Variants in LGALS12 observed in about 807,000 individuals in gnomAD.
The protein encoded by LGALS12 is galectin-12.
A neutral mutation model predicts 36.8 loss-of-function variants in LGALS12; 36 were observed. The ratio of observed to expected loss-of-function variants is 0.98; its 90% CI spans 0.75 to 1.29. The LOEUF (loss-of-function observed/expected upper bound fraction) is 1.29, where lower values mean the gene tolerates loss of function less well. LGALS12 is among the 50% of genes most tolerant of loss of function. The pLI is 0.00. For synonymous variants in LGALS12, 145 were observed against 155.9 expected (o/e 0.93, Z 0.52); for missense variants, 366 against 394.3 (o/e 0.93, Z 0.61).
chr11:63,510,610 T>G, intron 5 of LGALS12, 109 bp downstream of exon 5: 1 of 1,043,358 alleles, frequency 9.6e-7, no homozygotes, highest in South Asian at 1.4e-5. Context: ...ACTGCTGCGG[T>G]TGCCACGGAC....
Position 63,506,353 on chromosome 11 carries a change from G to T in LGALS12, c.-106G>T. 1 of 1,613,008 alleles carries T rather than the reference G, an allele frequency of 6.2e-7. No homozygotes were observed. Among genetic ancestry groups the T allele is most frequent in the Non-Finnish European group, 8.5e-7 (1 of 1,179,406 alleles). ...AGGTCGCAGGTGAGACTAACAGCTG[G>T]GAGAGCTGCTCCAGGCATTTAGGAC... On this transcript the variant is annotated 5_prime_UTR_variant, in exon 1 of 9. Transcript: ENST00000394618.
chr11:63,510,574 C>T (rs1038288584), intron 5 of LGALS12, 73 bp downstream of exon 5: 6 of 1,436,754 alleles, frequency 4.2e-6, no homozygotes, highest in African/African-American at 2.8e-5. Flanking sequence ...GCTCCCATTA[C>T]ACAAGGCCCA....
chr11:63,515,501 G>T, intron 7 of LGALS12, 62 bp from the exon 8 acceptor site: 1 of 1,586,158 alleles, frequency 6.3e-7, no homozygotes. Flanking sequence ...TCCCCTGGGG[G>T]CTGAGCAGCG....
rs2016888345 is a variant in LGALS12 at position 63,510,578 on chromosome 11, A to G, written c.531+77A>G. ...TCTGGACTGCTGCTCCCATTACACAAGGCCCAGCTGCCCCTTCCCTCACTG... is the reference window on the plus strand; with the variant it reads ...TCTGGACTGCTGCTCCCATTACACAGGGCCCAGCTGCCCCTTCCCTCACTG... On this transcript the variant is annotated intron_variant, in intron 5 of 8. Coordinates refer to ENST00000394618, the MANE Select transcript of LGALS12 (RefSeq NM_033101.4). 2.4e-5 allele frequency: 33 copies of G among 1,399,238 alleles called. No individual in the cohort carries two copies. The South Asian group carries it at 3.8e-4, about 16-fold the overall frequency. The allele number at this position is 1,399,238 out of a possible 1,614,324, so 86.7% of individuals were successfully genotyped here.
intron 7 of LGALS12, among the ~76,000 whole-genome samples, chr11:63,514,472 G>A (rs1285328043): frequency 6.6e-6 from 1 of 152,208 alleles, no homozygotes; most frequent in African/African-American, 2.4e-5. Flanking sequence ...TCCGGAGGCT[G>A]AGGCAGGAGA....
intron 6 of LGALS12, 27 bp from the exon 7 acceptor site, chr11:63,511,725 T>C (rs1341069705): frequency 6.3e-7 from 1 of 1,574,954 alleles, no homozygotes; most frequent in Non-Finnish European, 8.7e-7. Flanking sequence ...GGAAGTCAAC[T>C]TCTCAATACC....
In LGALS12 at chr11:63,508,287, G is replaced by GA. The variant is rs2016802272; in HGVS notation, c.70-263dup. ...AGCCTGTTGTGTCCTAGGAGCTGGG[G>GA]AAAGGCAACTGGCTGGTGCTGAATT... On this transcript the variant is annotated intron_variant, in intron 1 of 8. Coordinates refer to ENST00000394618, the MANE Select transcript of LGALS12 (RefSeq NM_033101.4). 120 of 1,328,898 alleles carry GA rather than the reference G, an allele frequency of 9.0e-5. No homozygotes were observed. In the South Asian group the frequency reaches 1.6e-3, roughly 17 times the overall value. 82.3% of individuals were successfully genotyped at this position (1,328,898 alleles called of 1,614,324 possible). A position where few individuals can be genotyped will look rare whatever the true frequency, so the allele number is the denominator to read the frequency against.
rs761967566 is a variant in LGALS12 at position 63,509,874 on chromosome 11, G to A, written c.469G>A (p.Ala157Thr). 12 of 1,614,032 alleles carry A rather than the reference G, an allele frequency of 7.4e-6. No individual in the cohort carries two copies. Among genetic ancestry groups the A allele is most frequent in the South Asian group, 4.4e-5 (4 of 91,086 alleles). ...LGIFGDILVE[A>T]VGFLNINPFV... ...TATATTTGGTGACATCCTGGTAGAG[G>A]CTGTTGGATTCCTGAACATCAATGT... is the stretch of plus-strand genomic sequence containing the variant. Residue 157 changes from alanine to threonine, a missense_variant, in exon 4 of 9, where the codon GCT becomes ACT. Physicochemically the swap from Ala to Thr is moderately conservative, Grantham distance 58. Transcript: ENST00000394618.
intron 7 of LGALS12, among the ~76,000 whole-genome samples, chr11:63,514,132 T>G (rs1205453405): frequency 6.6e-6 from 1 of 152,164 alleles, no homozygotes; most frequent in African/African-American, 2.4e-5. Flanking sequence ...CGGGGCCTCC[T>G]CCTGTAAGGA....
In LGALS12 at chr11:63,510,400, G is replaced by A. The variant is rs1312781585; in HGVS notation, c.493-63G>A. 2.0e-6 allele frequency: 3 copies of A among 1,537,102 alleles called. No homozygotes were observed. In the East Asian group the frequency reaches 6.7e-5, roughly 35 times the overall value. ...AGGCCAGGGCTCTGCCCACCTCCCA[G>A]GCATAGGTAGGGGATTGCAGTGGTC... On this transcript the variant is annotated intron_variant, in intron 4 of 8. Transcript: ENST00000394618.
At position 63,511,827 on chromosome 11, in the gene LGALS12, C is replaced by A; in HGVS notation, c.634C>A (p.Gln212Lys). 6.2e-7 allele frequency: 1 copy of A among 1,612,092 alleles called. No individual in the cohort carries two copies. Among genetic ancestry groups the A allele is most frequent in the East Asian group, 2.2e-5 (1 of 44,872 alleles). ...CATCATAGTACGGGGACTGGTCTTG[C>A]AAGAGCCGAAGCAGTAAGTATCCAG... Reference protein sequence around the residue: ...QVIIVRGLVLQEPKHFTVSLR... With the variant: ...QVIIVRGLVLKEPKHFTVSLR... The change falls in exon 7 of 9, where the codon CAA becomes AAA. Residue 212 changes from glutamine to lysine, a missense_variant. Transcript: ENST00000394618.
chr11:63,509,734 T>C, intron 3 of LGALS12, 44 bp from the exon 4 acceptor site: 2 of 1,608,406 alleles, frequency 1.2e-6, no homozygotes, highest in Non-Finnish European at 1.7e-6. Flanking sequence ...ATGAACTCAA[T>C]GAACATTAGC....
Position 63,516,391 on chromosome 11 carries a change from TG to T in LGALS12, c.944del (p.Ter315=). ...GSVQLYCVHS[*>X] is the part of the protein sequence containing the mutation. ...TGTCCAGCTCTACTGTGTCCACTCC[TG>T]AGGATGGTTCCAGGGAAATACCGCC... On this transcript the variant is annotated frameshift_variant and stop_lost, in exon 9 of 9. Coordinates refer to ENST00000394618, the MANE Select transcript of LGALS12 (RefSeq NM_033101.4). LOFTEE classifies it high-confidence loss of function. 1 of 1,613,948 alleles carries T rather than the reference TG, an allele frequency of 6.2e-7. No homozygotes were observed. Among genetic ancestry groups the T allele is most frequent in the Non-Finnish European group, 8.5e-7 (1 of 1,180,010 alleles).
intron 7 of LGALS12, among the ~76,000 whole-genome samples, chr11:63,513,128 G>A (rs191982806): frequency 6.6e-6 from 1 of 152,314 alleles, no homozygotes; most frequent in East Asian, 1.9e-4. Flanking sequence ...CTTATAAACA[G>A]TGCGGTCGTG....
chr11:63,514,130 C>T (rs1484914072), intron 7 of LGALS12, among the ~76,000 whole-genome samples: 2 of 152,186 alleles, frequency 1.3e-5, no homozygotes, highest in African/African-American at 2.4e-5. Flanking sequence ...TACGGGGCCT[C>T]CTCCTGTAAG....
At chr11:63,514,572 A>AAAAAT (rs1002669562) in intron 7 of LGALS12, among the ~76,000 whole-genome samples, 1 of 152,168 alleles carries the variant, frequency 6.6e-6, no homozygotes, top group Admixed American at 6.5e-5. Context: ...TCTGTCTCAA[A>AAAAAT]AAAATAAAAT....
Position 63,508,974 on chromosome 11 carries a change from G to A in LGALS12, c.355G>A (p.Gly119Arg), listed in dbSNP as rs768431749. ...CAGCTTCCTCATCCTCTTTCTCTTC[G>A]GGAATGAGGAAGTGAAGGTGAAGGA... ...GSSFLILFLF[G>R]NEEVKVSVNG... Residue 119 changes from glycine (G) to arginine (R), a missense_variant, in exon 3 of 9, where the codon GGG becomes AGG. Transcript: ENST00000394618. The A allele has an allele frequency of 1.2e-5, 19 of 1,613,860 alleles. No homozygotes were observed. Among genetic ancestry groups the A allele is most frequent in the Middle Eastern group, 1.6e-4 (1 of 6,084 alleles).
At chr11:63,513,604 G>T (rs1372745203) in intron 7 of LGALS12, among the ~76,000 whole-genome samples, 2 of 152,214 alleles carry the variant, frequency 1.3e-5, no homozygotes, top group African/African-American at 4.8e-5. Context: ...CCAACATGAA[G>T]ATTTAGCACA....
intron 8 of LGALS12, 28 bp from the exon 9 acceptor site, chr11:63,516,219 G>A: frequency 3.3e-6 from 5 of 1,531,470 alleles, no homozygotes; most frequent in Non-Finnish European, 4.4e-6. Flanking sequence ...GCTGGAAGCT[G>A]CAACCCCCTC....
Sources: gnomAD v4.1 joint callset for allele counts (sites outside exome capture counted in the v4.1 genomes callset) on GRCh38, gnomAD v4.1.1 for gene constraint, MANE v1.5 for transcripts, NCBI Gene and HGNC (gene_info 2026-07-23, HGNC 2026-07-21) for gene names.